PTPRD: variants seen among roughly 807,000 people sequenced by gnomAD.
PTPRD encodes protein tyrosine phosphatase receptor type D, also known as receptor-type tyrosine-protein phosphatase delta.
PTPRD carries 34 observed loss-of-function variants against 214.5 expected under a neutral mutation model. The observed-to-expected ratio is 0.16, with a 90% confidence interval of 0.12 to 0.21. PTPRD has a LOEUF of 0.21. Ranked by LOEUF, PTPRD falls within the 10% of genes least tolerant of loss-of-function variation. The pLI, the probability that PTPRD is intolerant of heterozygous loss-of-function variation, is 1.00. For synonymous variants in PTPRD, 1,128 were observed against 845.7 expected (o/e 1.33, Z -5.79); for missense variants, 2,545 against 2,398.7 (o/e 1.06, Z -1.27).
chr9:8,658,582 C>T lies in PTPRD; in HGVS notation c.65-21738G>A, dbSNP rs147033868. 1.3e-3 allele frequency among the ~76,000 whole-genome samples: 190 copies of T among 151,094 alleles called. 2 individuals carry two copies. Among genetic ancestry groups the T allele is most frequent in the African/African-American group, 4.4e-3 (181 of 41,160 alleles). On this transcript the variant is annotated intron_variant, in intron 12 of 45. Transcript: ENST00000381196. Reference sequence around the variant, plus strand: ...TCCAAGAGGACTAGATTCTCTCATACGTATCCTCAGAGATCCACAAAATAA... The same window carrying T: ...TCCAAGAGGACTAGATTCTCTCATATGTATCCTCAGAGATCCACAAAATAA...
At chr9:10,458,642 A>G (rs1437442628) in intron 2 of PTPRD, among the ~76,000 whole-genome samples, 1 of 152,202 alleles carries the variant, frequency 6.6e-6, no homozygotes. Context: ...CGAAGCAAAG[A>G]TGCCCATTCT....
intron 11 of PTPRD, among the ~76,000 whole-genome samples, chr9:8,824,989 A>G (rs2097147284): frequency 6.6e-6 from 1 of 152,128 alleles, no homozygotes; most frequent in Non-Finnish European, 1.5e-5. Flanking sequence ...AAGAATAATT[A>G]TTTTTTACAT....
chr9:8,478,810 TATTAA>T (rs775866209), intron 30 of PTPRD, among the ~76,000 whole-genome samples: 5 of 152,188 alleles, frequency 3.3e-5, no homozygotes, highest in Non-Finnish European at 5.9e-5. Context: ...AGTAAAGAGA[TATTAA>T]ATTAATTAGA....
intron 17 of PTPRD, among the ~76,000 whole-genome samples, chr9:8,526,083 G>T (rs1197393270): frequency 6.6e-6 from 1 of 151,986 alleles, no homozygotes; most frequent in Non-Finnish European, 1.5e-5. Context: ...AGAGAAAAAA[G>T]AATTGAAGAA....
chr9:8,555,907 G>C (rs1343664002), intron 14 of PTPRD, among the ~76,000 whole-genome samples: 3 of 152,160 alleles, frequency 2.0e-5, no homozygotes, highest in Non-Finnish European at 4.4e-5. Flanking sequence ...TGCACCCTTG[G>C]GGAAGCATGG....
chr9:10,084,207 A>G (rs2098290701), intron 3 of PTPRD, among the ~76,000 whole-genome samples: 1 of 152,004 alleles, frequency 6.6e-6, no homozygotes, highest in Non-Finnish European at 1.5e-5. Context: ...GAGTGATTAT[A>G]TGAGCTATAA....
intron 10 of PTPRD, among the ~76,000 whole-genome samples, chr9:9,088,818 G>T (rs867876794): frequency 2.7e-4 from 41 of 152,102 alleles, no homozygotes; most frequent in African/African-American, 8.7e-4. Flanking sequence ...TTTGAAACTT[G>T]ACCCTGTCAC....
At chr9:10,300,903 G>A (rs374385289) in intron 3 of PTPRD, among the ~76,000 whole-genome samples, 2 of 152,132 alleles carry the variant, frequency 1.3e-5, no homozygotes, top group Admixed American at 1.3e-4. Context: ...CCAGCACAGT[G>A]TTCGAGCTCT....
intron 3 of PTPRD, among the ~76,000 whole-genome samples, chr9:10,325,109 G>A (rs1289129951): frequency 1.3e-5 from 2 of 152,024 alleles, no homozygotes; most frequent in Admixed American, 6.6e-5. Context: ...AGTGTAAAAT[G>A]GAGACAAGTA....
At chr9:9,556,675 T>C (rs905204264) in intron 8 of PTPRD, among the ~76,000 whole-genome samples, 1 of 152,180 alleles carries the variant, frequency 6.6e-6, no homozygotes, top group African/African-American at 2.4e-5. Context: ...ACTTTGTCTT[T>C]GTATCTCTGA....
intron 11 of PTPRD, among the ~76,000 whole-genome samples, chr9:8,920,336 A>G (rs1330027117): frequency 2.0e-5 from 3 of 151,162 alleles, no homozygotes; most frequent in Non-Finnish European, 4.4e-5. Context: ...GTGAGACTCC[A>G]AAAAAAAATA....
At chr9:9,834,840 G>T (rs894657436) in intron 5 of PTPRD, among the ~76,000 whole-genome samples, 2 of 151,970 alleles carry the variant, frequency 1.3e-5, no homozygotes, top group African/African-American at 2.4e-5. Context: ...ATTGATTGGT[G>T]ATAACAGTTA....
At chr9:8,566,437 A>G (rs1230850548) in intron 14 of PTPRD, among the ~76,000 whole-genome samples, 1 of 152,212 alleles carries the variant, frequency 6.6e-6, no homozygotes, top group Non-Finnish European at 1.5e-5. Flanking sequence ...ACAGCATATC[A>G]AAAGCTGATC....
chr9:9,220,666 T>C (rs565135271), intron 9 of PTPRD, among the ~76,000 whole-genome samples: 2 of 152,186 alleles, frequency 1.3e-5, no homozygotes, highest in South Asian at 4.1e-4. Context: ...CAAATATTGA[T>C]GTAGTTAGTA....
Position 8,613,449 on chromosome 9 carries a change from T to C in PTPRD, c.352+19868A>G, listed in dbSNP as rs191256782. The stretch of plus-strand genomic sequence containing the variant: ...AGAAATACTTGAGAGACTATTCTGC[T>C]ACTGACTTATTTTTTTTAAAACTAA... On this transcript the variant is annotated intron_variant, in intron 14 of 45. Coordinates refer to ENST00000381196, the MANE Select transcript of PTPRD (RefSeq NM_002839.4). Among the ~76,000 whole-genome samples, 98 of 152,324 alleles carry C rather than the reference T, an allele frequency of 6.4e-4. 2 individuals are homozygous for C. Among genetic ancestry groups the C allele is most frequent in the African/African-American group, 2.2e-3 (93 of 41,572 alleles).
chr9:10,120,526 CATA>C (rs1361358515), intron 3 of PTPRD, among the ~76,000 whole-genome samples: 1 of 151,962 alleles, frequency 6.6e-6, no homozygotes, highest in Admixed American at 6.6e-5. Flanking sequence ...AATTGTCAAT[CATA>C]ATATCAGTGC....
At chr9:9,602,882 A>T (rs1191612271) in intron 7 of PTPRD, among the ~76,000 whole-genome samples, 3 of 152,178 alleles carry the variant, frequency 2.0e-5, no homozygotes, top group Non-Finnish European at 2.9e-5. Flanking sequence ...CAGCAACCAC[A>T]TATTATAAAA....
chr9:9,278,608 T>C (rs1284719217), intron 9 of PTPRD, among the ~76,000 whole-genome samples: 1 of 151,272 alleles, frequency 6.6e-6, no homozygotes, highest in African/African-American at 2.4e-5. Context: ...AGTAGAGAGG[T>C]GATACTTGTA....
chr9:9,826,723 A>G (rs2053006095), intron 5 of PTPRD, among the ~76,000 whole-genome samples: 1 of 151,904 alleles, frequency 6.6e-6, no homozygotes, highest in African/African-American at 2.4e-5. Flanking sequence ...AAGAGGGACA[A>G]TTTGACTTCT....
Sources: gnomAD v4.1 joint callset for allele counts (sites outside exome capture counted in the v4.1 genomes callset) on GRCh38, gnomAD v4.1.1 for gene constraint, MANE v1.5 for transcripts, NCBI Gene and HGNC (gene_info 2026-07-23, HGNC 2026-07-21) for gene names.